The following KYNU variants were observed in gnomAD, a reference collection of about 807,000 sequenced individuals.
KYNU encodes kynureninase.
In KYNU, 54 loss-of-function variants were observed where a neutral mutation model predicts 59.2. That is an observed-to-expected ratio of 0.91 (90% CI 0.73 to 1.14). The LOEUF is 1.14. Ranked by LOEUF, KYNU falls within the 50% of genes most tolerant of loss-of-function variation. KYNU has a pLI of 0.00. For missense variants in KYNU, 567 were observed against 554.4 expected (o/e 1.02, Z -0.23); for synonymous variants, 177 against 192.0 (o/e 0.92, Z 0.65).
At chr2:142,972,876 A>G (rs1233547090) in intron 8 of KYNU, among the ~76,000 whole-genome samples, 1 of 149,980 alleles carries the variant, frequency 6.7e-6, no homozygotes, top group African/African-American at 2.4e-5. Flanking sequence ...CTACATATAT[A>G]TGTATGAATT....
At chr2:142,959,385 A>G (rs953420285) in intron 7 of KYNU, among the ~76,000 whole-genome samples, 1 of 152,082 alleles carries the variant, frequency 6.6e-6, no homozygotes, top group African/African-American at 2.4e-5. Context: ...CCGGGAGTTC[A>G]AGACCAGCCT....
intron 4 of KYNU, among the ~76,000 whole-genome samples, chr2:142,938,733 C>G (rs983923866): frequency 3.3e-5 from 5 of 151,962 alleles, no homozygotes; most frequent in Non-Finnish European, 7.4e-5. Flanking sequence ...TTTTATACAT[C>G]CATGTTGTGT....
At chr2:142,916,226 T>C (rs986640430) in intron 2 of KYNU, among the ~76,000 whole-genome samples, 2 of 152,184 alleles carry the variant, frequency 1.3e-5, no homozygotes, top group Non-Finnish European at 2.9e-5. Flanking sequence ...GAGGATTTAC[T>C]GAATGTGGAG....
chr2:143,047,881 G>A lies in KYNU; in HGVS notation c.*5709G>A, dbSNP rs1281538291. 1 of 121,156 alleles carries A rather than the reference G, an allele frequency of 8.3e-6. No individual in the cohort carries two copies. The highest frequency in any genetic ancestry group is 3.2e-5 in the African/African-American group (1 of 31,248). 7.5% of individuals were successfully genotyped at this position (121,156 alleles called of 1,614,324 possible). On this transcript the variant is annotated 3_prime_UTR_variant, in exon 14 of 14. Coordinates refer to ENST00000264170, the MANE Select transcript of KYNU (RefSeq NM_003937.3). ...TTTTTTTTTTTTTTTTTTTTTTTGA[G>A]GCAGTCTCTCTCTGTCACCCAGGCT...
chr2:143,035,162 G>GGGACTA (rs1268083511), intron 12 of KYNU, among the ~76,000 whole-genome samples: 10 of 152,216 alleles, frequency 6.6e-5, no homozygotes, highest in African/African-American at 2.4e-4. Flanking sequence ...CTGAGTAGCT[G>GGGACTA]GGACTACAGG....
intron 3 of KYNU, among the ~76,000 whole-genome samples, chr2:142,926,917 C>A (rs1227473805): frequency 6.6e-6 from 1 of 152,200 alleles, no homozygotes; most frequent in Non-Finnish European, 1.5e-5. Flanking sequence ...TCATAAGATA[C>A]AACAATGTAA....
chr2:142,882,322 C>A (rs1681329792), intron 1 of KYNU, among the ~76,000 whole-genome samples: 1 of 151,636 alleles, frequency 6.6e-6, no homozygotes, highest in African/African-American at 2.4e-5. Flanking sequence ...ATCGGTCTCC[C>A]TTTTCAACTT....
intron 8 of KYNU, among the ~76,000 whole-genome samples, chr2:142,976,116 A>G (rs1684872319): frequency 6.6e-6 from 1 of 152,202 alleles, no homozygotes; most frequent in Non-Finnish European, 1.5e-5. Context: ...GCATTACAAC[A>G]GAGAAGAGGC....
intron 4 of KYNU, among the ~76,000 whole-genome samples, chr2:142,945,572 C>A (rs2105060897): frequency 6.6e-6 from 1 of 152,214 alleles, no homozygotes; most frequent in East Asian, 1.9e-4. Flanking sequence ...TTCCCCAGTT[C>A]CTGTTCATGT....
intron 8 of KYNU, among the ~76,000 whole-genome samples, chr2:142,977,319 A>T (rs1407811852): frequency 6.9e-6 from 1 of 145,944 alleles, no homozygotes; most frequent in African/African-American, 2.6e-5. Context: ...CTAAAATGTG[A>T]GCATTTAGAA....
intron 8 of KYNU, among the ~76,000 whole-genome samples, chr2:142,983,000 C>T (rs1206964652): frequency 1.3e-5 from 2 of 151,998 alleles, no homozygotes; most frequent in African/African-American, 4.8e-5. Flanking sequence ...ATTCACTCTT[C>T]CCTTAAAATG....
chr2:142,970,332 G>A (rs1684682701), intron 8 of KYNU, among the ~76,000 whole-genome samples: 1 of 152,156 alleles, frequency 6.6e-6, no homozygotes, highest in Non-Finnish European at 1.5e-5. Context: ...TAGAAGCAGT[G>A]TCTTCGAGAA....
chr2:143,040,471 T>C lies in KYNU; in HGVS notation c.1085T>C (p.Val362Ala). ...ATMKALRKKS[V>A]LLTGYLEYLI... ...ATGAAGGCATTGCGGAAAAAATCTG[T>C]TTTGCTAACTGGCTATCTGGAATAC... Residue 362 changes from valine (V) to alanine (A), a missense_variant, in exon 13 of 14, where the codon GTT becomes GCT. Coordinates refer to ENST00000264170, the MANE Select transcript of KYNU (RefSeq NM_003937.3). 6.2e-7 allele frequency: 1 copy of C among 1,613,268 alleles called. No individual in the cohort carries two copies. Among genetic ancestry groups the C allele is most frequent in the Non-Finnish European group, 8.5e-7 (1 of 1,179,502 alleles).
chr2:142,903,775 G>A (rs1573769869), intron 2 of KYNU, among the ~76,000 whole-genome samples: 1 of 152,330 alleles, frequency 6.6e-6, no homozygotes, highest in South Asian at 2.1e-4. Context: ...GCCTTCCAGT[G>A]ATTCCCTTGA....
intron 5 of KYNU, 50 bp downstream of exon 5, chr2:142,954,921 T>C: frequency 8.6e-7 from 1 of 1,168,646 alleles, no homozygotes; most frequent in Non-Finnish European, 1.3e-6. Flanking sequence ...TTACAGAATC[T>C]GATGTTTTTC....
chr2:142,964,036 A>G (rs79706944), intron 8 of KYNU, among the ~76,000 whole-genome samples: 3,093 of 151,900 alleles, frequency 0.02, 120 homozygotes, highest in African/African-American at 0.071. Flanking sequence ...CATCTTTTAT[A>G]AAGTTTTTTT....
At chr2:142,908,097 T>A (rs1268893899) in intron 2 of KYNU, among the ~76,000 whole-genome samples, 2 of 152,216 alleles carry the variant, frequency 1.3e-5, no homozygotes, top group Non-Finnish European at 2.9e-5. Flanking sequence ...TGTATATGTG[T>A]GTGTTTGGCA....
chr2:142,999,023 A>G (rs956240257), intron 10 of KYNU, among the ~76,000 whole-genome samples: 1 of 149,746 alleles, frequency 6.7e-6, no homozygotes, highest in East Asian at 1.9e-4. Flanking sequence ...AAAAAAAAAA[A>G]AAAAAAAAAA....
intron 10 of KYNU, among the ~76,000 whole-genome samples, chr2:142,996,233 G>C (rs1237440826): frequency 2.0e-5 from 3 of 152,078 alleles, no homozygotes; most frequent in Non-Finnish European, 4.4e-5. Context: ...AAAAAAGATT[G>C]TTAGTGGAGG....
Sources: gnomAD v4.1 joint callset for allele counts (sites outside exome capture counted in the v4.1 genomes callset) on GRCh38, gnomAD v4.1.1 for gene constraint, MANE v1.5 for transcripts, NCBI Gene and HGNC (gene_info 2026-07-23, HGNC 2026-07-21) for gene names.